Variants in EPHA6 observed in about 807,000 individuals in gnomAD.
EPHA6 encodes the protein EPH receptor A6.
Under a neutral mutation model 112.0 loss-of-function variants are expected in EPHA6, and 50 were observed. The ratio of observed to expected loss-of-function variants is 0.45; its 90% confidence interval spans 0.36 to 0.56. The LOEUF (loss-of-function observed/expected upper bound fraction) is 0.56, where lower values mean the gene tolerates loss of function less well. Among genes scored for constraint, EPHA6 ranks in the 20% least tolerant of loss-of-function variants. The probability of loss-of-function intolerance (pLI) is 0.00; values close to 1 mark genes in which losing one functional copy is unlikely to be tolerated. For synonymous variants in EPHA6, 529 were observed against 490.7 expected (o/e 1.08, Z -1.03); for missense variants, 1,280 against 1,417.4 (o/e 0.90, Z 1.56).
At chr3:97,234,363 C>T (rs1638593699) in intron 4 of EPHA6, among the ~76,000 whole-genome samples, 1 of 152,026 alleles carries the variant, frequency 6.6e-6, no homozygotes, top group South Asian at 2.1e-4. Context: ...AAAACAAATA[C>T]CTTGGAAAAA....
intron 2 of EPHA6, among the ~76,000 whole-genome samples, chr3:96,903,930 T>C (rs2038766290): frequency 6.6e-6 from 1 of 152,100 alleles, no homozygotes; most frequent in Admixed American, 6.6e-5. Flanking sequence ...CTAGTTAGAA[T>C]GGCAATCATT....
intron 6 of EPHA6, among the ~76,000 whole-genome samples, chr3:97,431,771 AT>A (rs2089524235): frequency 6.6e-6 from 1 of 152,076 alleles, no homozygotes; most frequent in African/African-American, 2.4e-5. Flanking sequence ...TTCTTTTCAT[AT>A]TTTAAAAAGA....
chr3:96,915,108 G>A (rs2039421503), intron 2 of EPHA6, among the ~76,000 whole-genome samples: 1 of 151,748 alleles, frequency 6.6e-6, no homozygotes, highest in Non-Finnish European at 1.5e-5. Flanking sequence ...GATTTTTAAA[G>A]CTAAAATGGT....
chr3:97,301,715 T>A (rs1000638649), intron 5 of EPHA6, among the ~76,000 whole-genome samples: 2 of 152,136 alleles, frequency 1.3e-5, no homozygotes, highest in African/African-American at 4.8e-5. Flanking sequence ...CCAACAAATA[T>A]TAATTAAATT....
At chr3:97,188,495 G>A (rs1442829383) in intron 3 of EPHA6, among the ~76,000 whole-genome samples, 1 of 151,962 alleles carries the variant, frequency 6.6e-6, no homozygotes, top group Non-Finnish European at 1.5e-5. Flanking sequence ...AAACAAAGAA[G>A]AGGAAATGGA....
intron 3 of EPHA6, among the ~76,000 whole-genome samples, chr3:97,126,869 C>T (rs2048195785): frequency 6.9e-6 from 1 of 144,166 alleles, no homozygotes; most frequent in Non-Finnish European, 1.5e-5. Flanking sequence ...AGAAGATGGA[C>T]CAATGGAAGG....
chr3:97,172,307 G>A (rs557034931), intron 3 of EPHA6, among the ~76,000 whole-genome samples: 12 of 152,084 alleles, frequency 7.9e-5, no homozygotes, highest in Admixed American at 7.2e-4. Context: ...GTTTTGCACA[G>A]TTTCTGACAT....
chr3:96,912,453 G>C lies in EPHA6; in HGVS notation c.450+45564G>C, dbSNP rs1192220396. ...AATGCAGTGCTGTGAAAAATACTGA[G>C]ACCGTGAAATAATAGAGGAGGTGCC... On this transcript the variant is annotated intron_variant, in intron 2 of 17. Transcript: ENST00000389672. 2.6e-5 allele frequency among the ~76,000 whole-genome samples: 4 copies of C among 152,098 alleles called. No homozygotes were observed. In the East Asian group the frequency reaches 7.7e-4, roughly 29 times the overall value.
intron 4 of EPHA6, among the ~76,000 whole-genome samples, chr3:97,241,787 T>A (rs2078855948): frequency 6.8e-6 from 1 of 147,948 alleles, no homozygotes; most frequent in East Asian, 2.0e-4. Context: ...TTTTTTAGTA[T>A]CTGCAGGCGG....
At chr3:97,506,715 T>C (rs1221702377) in intron 10 of EPHA6, among the ~76,000 whole-genome samples, 3 of 152,200 alleles carry the variant, frequency 2.0e-5, no homozygotes, top group Admixed American at 6.5e-5. Flanking sequence ...AGAAAGTCAA[T>C]GGTAGATTGA....
chr3:97,721,841 A>T (rs947844371), intron 15 of EPHA6, among the ~76,000 whole-genome samples: 2 of 152,224 alleles, frequency 1.3e-5, no homozygotes, highest in African/African-American at 4.8e-5. Context: ...TTCCAGAGGC[A>T]TAAATTTGTT....
chr3:97,723,912 T>A (rs2034639561), intron 15 of EPHA6, among the ~76,000 whole-genome samples: 1 of 152,166 alleles, frequency 6.6e-6, no homozygotes, highest in African/African-American at 2.4e-5. Flanking sequence ...AATAGCTTAA[T>A]CAAAAACTTC....
At chr3:97,554,419 A>T (rs1449846169) in intron 11 of EPHA6, among the ~76,000 whole-genome samples, 1 of 151,958 alleles carries the variant, frequency 6.6e-6, no homozygotes, top group East Asian at 1.9e-4. Flanking sequence ...GTTAGTTGCA[A>T]TTTTTTTTAA....
At position 96,988,770 on chromosome 3, in the gene EPHA6, A is replaced by G. The variant is rs531002383; in HGVS notation, c.1114+777A>G. Among the ~76,000 whole-genome samples, 378 of 152,248 alleles carry G rather than the reference A, an allele frequency of 2.5e-3. 2 individuals are homozygous for G. Among genetic ancestry groups the G allele is most frequent in the African/African-American group, 8.6e-3 (359 of 41,572 alleles). On this transcript the variant is annotated intron_variant, in intron 3 of 17. Transcript: ENST00000389672. ...AGTATTTATGTGACATCTAATTGTC[A>G]GGAAATGTTAACATCGCAAAATGCT...
intron 3 of EPHA6, among the ~76,000 whole-genome samples, chr3:97,059,415 T>C (rs1360410902): frequency 6.6e-6 from 1 of 152,164 alleles, no homozygotes; most frequent in Non-Finnish European, 1.5e-5. Flanking sequence ...TTGATAAGTG[T>C]AACACACATT....
chr3:97,488,415 G>A (rs182469407), intron 10 of EPHA6, among the ~76,000 whole-genome samples: 46 of 152,232 alleles, frequency 3.0e-4, no homozygotes, highest in South Asian at 1.0e-3. Flanking sequence ...CTGTTATTCC[G>A]TCTTGTTTGA....
intron 6 of EPHA6, among the ~76,000 whole-genome samples, chr3:97,448,346 G>A (rs1345989291): frequency 6.6e-6 from 1 of 152,074 alleles, no homozygotes; most frequent in Non-Finnish European, 1.5e-5. Context: ...GTTTATATAA[G>A]ACTAATCATC....
chr3:97,094,266 C>T (rs140771530), intron 3 of EPHA6, among the ~76,000 whole-genome samples: 2,069 of 152,088 alleles, frequency 0.014, 45 homozygotes, highest in African/African-American at 0.047. Context: ...TTATGAAATC[C>T]TAGAGCAAAT....
chr3:97,544,253 T>G (rs914826971), intron 11 of EPHA6, among the ~76,000 whole-genome samples: 1 of 152,166 alleles, frequency 6.6e-6, no homozygotes, highest in African/African-American at 2.4e-5. Flanking sequence ...CTTATTATTT[T>G]GAGATACGTC....
Sources: gnomAD v4.1 joint callset for allele counts (sites outside exome capture counted in the v4.1 genomes callset) on GRCh38, gnomAD v4.1.1 for gene constraint, MANE v1.5 for transcripts, NCBI Gene and HGNC (gene_info 2026-07-23, HGNC 2026-07-21) for gene names.